CDC42SE2: variants seen among roughly 807,000 people sequenced by gnomAD.
The protein encoded by CDC42SE2 is CDC42 small effector 2.
Under a neutral mutation model 11.5 loss-of-function variants are expected in CDC42SE2, and 3 were observed. That is an observed-to-expected ratio of 0.26 (90% CI 0.12 to 0.67). CDC42SE2 has a LOEUF of 0.67. Among genes scored for constraint, CDC42SE2 ranks in the 30% least tolerant of loss-of-function variants. The pLI is 0.80. For missense variants in CDC42SE2, 82 were observed against 106.8 expected (o/e 0.77, Z 1.02); for synonymous variants, 33 against 34.8 (o/e 0.95, Z 0.18).
intron 1 of CDC42SE2, among the ~76,000 whole-genome samples, chr5:131,308,522 A>C (rs1360155598): frequency 9.9e-5 from 15 of 151,806 alleles, no homozygotes; most frequent in Non-Finnish European, 2.1e-4. Flanking sequence ...TTGAATCTGT[A>C]AATTACCTTG....
At chr5:131,266,315 AT>A (rs891916706) in intron 1 of CDC42SE2, among the ~76,000 whole-genome samples, 8 of 152,068 alleles carry the variant, frequency 5.3e-5, no homozygotes, top group African/African-American at 1.9e-4. Flanking sequence ...GTAGATATTA[AT>A]TTTTTTATAG....
intron 2 of CDC42SE2, among the ~76,000 whole-genome samples, chr5:131,340,035 T>A (rs1406607088): frequency 6.6e-6 from 1 of 152,156 alleles, no homozygotes; most frequent in Non-Finnish European, 1.5e-5. Flanking sequence ...AAGAATTAGA[T>A]TGATAGTCTA....
At chr5:131,390,962 T>G in intron 4 of CDC42SE2, 31 bp from the exon 5 acceptor site, 2 of 1,471,836 alleles carry the variant, frequency 1.4e-6, no homozygotes, top group Non-Finnish European at 1.9e-6. Flanking sequence ...TGACTTCCAT[T>G]TTGTTTTGTT....
At chr5:131,211,146 C>T in the CDC42SE2 span, among the ~76,000 whole-genome samples, 1 of 152,188 alleles carries the variant, frequency 6.6e-6, no homozygotes, top group Non-Finnish European at 1.5e-5. Flanking sequence ...CATCTCTATT[C>T]TTTCATACAA....
chr5:131,235,209 ACTCAGTTTACTGATTCAAATG>A, the CDC42SE2 span, among the ~76,000 whole-genome samples: 14 of 151,676 alleles, frequency 9.2e-5, no homozygotes, highest in Admixed American at 3.3e-4. Context: ...AATAGTCTTC[ACTCAGTTTACTGATTCAAATG>A]CTCAGTTTAC....
intron 1 of CDC42SE2, among the ~76,000 whole-genome samples, chr5:131,246,042 C>G (rs1466094305): frequency 6.6e-6 from 1 of 152,142 alleles, no homozygotes; most frequent in Non-Finnish European, 1.5e-5. Flanking sequence ...AATTGTACTT[C>G]TATTACTTTT....
At chr5:131,226,017 G>A in the CDC42SE2 span, among the ~76,000 whole-genome samples, 1 of 152,200 alleles carries the variant, frequency 6.6e-6, no homozygotes, top group Non-Finnish European at 1.5e-5. Flanking sequence ...AACTGAAAGT[G>A]GCTTTAACCA....
At chr5:131,211,476 T>C in the CDC42SE2 span, among the ~76,000 whole-genome samples, 1 of 152,240 alleles carries the variant, frequency 6.6e-6, no homozygotes, top group Admixed American at 6.5e-5. Context: ...TATCAAGTAC[T>C]ACATGGTCAA....
the CDC42SE2 span, among the ~76,000 whole-genome samples, chr5:131,231,448 C>G: frequency 6.6e-6 from 1 of 151,822 alleles, no homozygotes; most frequent in Admixed American, 6.6e-5. Flanking sequence ...GCAAAAGCAA[C>G]AAAAAAAACA....
intron 2 of CDC42SE2, among the ~76,000 whole-genome samples, chr5:131,358,085 C>G (rs1749603639): frequency 6.6e-6 from 1 of 152,242 alleles, no homozygotes; most frequent in Non-Finnish European, 1.5e-5. Flanking sequence ...ACTCAGAGGA[C>G]TCTGTTGAGC....
chr5:131,353,331 G>C (rs994800044), intron 2 of CDC42SE2, among the ~76,000 whole-genome samples: 16 of 151,376 alleles, frequency 1.1e-4, no homozygotes, highest in African/African-American at 3.9e-4. Flanking sequence ...GCCCGGGCTG[G>C]AGTGCAGTGG....
upstream of CDC42SE2, among the ~76,000 whole-genome samples, chr5:131,244,722 A>G (rs572347385): frequency 6.6e-6 from 1 of 152,314 alleles, no homozygotes; most frequent in African/African-American, 2.4e-5. Context: ...AAATAAAAAA[A>G]AGAGGGGCTG....
upstream of CDC42SE2, among the ~76,000 whole-genome samples, chr5:131,241,775 A>C (rs1490129314): frequency 2.0e-5 from 3 of 151,984 alleles, no homozygotes; most frequent in African/African-American, 7.2e-5. Context: ...GTTTCTTCAA[A>C]TGTCATCTTC....
the CDC42SE2 span, among the ~76,000 whole-genome samples, chr5:131,227,370 C>CA: frequency 6.6e-6 from 1 of 152,314 alleles, no homozygotes; most frequent in African/African-American, 2.4e-5. Flanking sequence ...TACAGTGGCT[C>CA]ACGCCTGTAA....
intron 1 of CDC42SE2, among the ~76,000 whole-genome samples, chr5:131,267,123 C>T (rs552565281): frequency 1.3e-5 from 2 of 148,866 alleles, no homozygotes; most frequent in East Asian, 2.0e-4. Context: ...GGCGCGATCT[C>T]GGCTCACTGC....
At chr5:131,365,156 G>A (rs188473585) in intron 3 of CDC42SE2, among the ~76,000 whole-genome samples, 32 of 152,242 alleles carry the variant, frequency 2.1e-4, no homozygotes, top group Middle Eastern at 3.4e-3. Flanking sequence ...TGGGCGTGGT[G>A]TCGCATGCCT....
intron 2 of CDC42SE2, among the ~76,000 whole-genome samples, chr5:131,329,153 T>G (rs1469147393): frequency 6.6e-6 from 1 of 152,192 alleles, no homozygotes; most frequent in Non-Finnish European, 1.5e-5. Flanking sequence ...ATCTAGGCTG[T>G]TGCTGCCAAT....
At chr5:131,260,555 A>C (rs1756715218), upstream of CDC42SE2, among the ~76,000 whole-genome samples, 1 of 149,878 alleles carries the variant, frequency 6.7e-6, no homozygotes, top group African/African-American at 2.5e-5. Flanking sequence ...AACTCAGGAG[A>C]GGAAGATTGC....
At chr5:131,281,857 G>A (rs898813729) in intron 1 of CDC42SE2, among the ~76,000 whole-genome samples, 3 of 152,156 alleles carry the variant, frequency 2.0e-5, no homozygotes, top group African/African-American at 7.2e-5. Context: ...TTCCTTTTCA[G>A]TTAAGTGAGA....
Sources: gnomAD v4.1 joint callset for allele counts (sites outside exome capture counted in the v4.1 genomes callset) on GRCh38, gnomAD v4.1.1 for gene constraint, MANE v1.5 for transcripts, NCBI Gene and HGNC (gene_info 2026-07-23, HGNC 2026-07-21) for gene names.